CADPS2: variants seen among roughly 807,000 people sequenced by gnomAD.
CADPS2 encodes the protein calcium-dependent secretion activator 2.
In CADPS2, 93 loss-of-function variants were observed where a neutral mutation model predicts 172.5. The ratio of observed to expected loss-of-function variants is 0.54; its 90% confidence interval spans 0.46 to 0.64. The LOEUF is 0.64. Ranked by LOEUF, CADPS2 falls within the 30% of genes least tolerant of loss-of-function variation. The pLI is 0.00. For missense variants in CADPS2, 1,420 were observed against 1,565.9 expected (o/e 0.91, Z 1.57); for synonymous variants, 546 against 555.2 (o/e 0.98, Z 0.23).
chr7:122,770,030 T>C (rs1229861158), intron 1 of CADPS2, among the ~76,000 whole-genome samples: 1 of 152,232 alleles, frequency 6.6e-6, no homozygotes, highest in African/African-American at 2.4e-5. Context: ...GTACTAGCTC[T>C]GTTTTACAAA....
chr7:122,384,339 A>C (rs536436495), intron 24 of CADPS2, among the ~76,000 whole-genome samples: 3 of 152,106 alleles, frequency 2.0e-5, no homozygotes, highest in African/African-American at 4.8e-5. Context: ...TTGGAGAGGT[A>C]ATTTCTTTAT....
chr7:122,437,011 C>T (rs2151936349), intron 17 of CADPS2, among the ~76,000 whole-genome samples: 1 of 151,992 alleles, frequency 6.6e-6, no homozygotes, highest in East Asian at 1.9e-4. Flanking sequence ...TTCAAGTTCC[C>T]CACAACTTTT....
In CADPS2 at chr7:122,615,064, C is replaced by A. The variant is rs2074742470; in HGVS notation, c.1223+117G>T. ...CTAACACATTTGAGACAAAGTTAGC[C>A]AAATAGCAGTTTTAGAGGGTAATAC... On this transcript the variant is annotated intron_variant, in intron 6 of 29. Coordinates refer to ENST00000449022, the MANE Select transcript of CADPS2 (RefSeq NM_017954.11). The A allele has an allele frequency of 5.9e-6, 3 of 506,008 alleles. No homozygotes were observed. In the East Asian group the frequency reaches 9.4e-5, roughly 16 times the overall value. The allele number at this position is 506,008 out of a possible 1,614,324, so 31.3% of individuals were successfully genotyped here.
chr7:122,639,525 C>T (rs2077388658), intron 3 of CADPS2, among the ~76,000 whole-genome samples: 1 of 152,096 alleles, frequency 6.6e-6, no homozygotes, highest in African/African-American at 2.4e-5. Context: ...TATGTGTGCT[C>T]CTTTGTGTGT....
chr7:122,486,516 G>A (rs2057826632), intron 11 of CADPS2, among the ~76,000 whole-genome samples: 1 of 152,168 alleles, frequency 6.6e-6, no homozygotes, highest in Non-Finnish European at 1.5e-5. Context: ...GATAAAACTT[G>A]AACAGATAAG....
chr7:122,840,043 A>G (rs1254685251), intron 1 of CADPS2, among the ~76,000 whole-genome samples: 4 of 152,350 alleles, frequency 2.6e-5, no homozygotes, highest in East Asian at 1.9e-4. Context: ...ATGTCCATCA[A>G]TGATAGACTG....
intron 7 of CADPS2, among the ~76,000 whole-genome samples, chr7:122,570,022 A>G (rs1224732869): frequency 6.6e-6 from 1 of 150,566 alleles, no homozygotes; most frequent in African/African-American, 2.5e-5. Context: ...AAAAGCCAAA[A>G]TTGACAAATG....
chr7:122,774,556 T>C (rs1291277639), intron 1 of CADPS2, among the ~76,000 whole-genome samples: 1 of 152,178 alleles, frequency 6.6e-6, no homozygotes, highest in Non-Finnish European at 1.5e-5. Context: ...ATAAATGTTC[T>C]ACCAATTATG....
rs540764817 is a variant in CADPS2 at position 122,718,941 on chromosome 7, T to A, written c.453+18014A>T. Among the ~76,000 whole-genome samples the A allele has an allele frequency of 2.0e-5, 3 of 152,310 alleles. No individual in the cohort carries two copies. In the South Asian group the frequency reaches 6.2e-4, roughly 32 times the overall value. On this transcript the variant is annotated intron_variant, in intron 2 of 29. Coordinates refer to ENST00000449022, the MANE Select transcript of CADPS2 (RefSeq NM_017954.11). ...GCTTCTCTAGAACCTGCTGGATTTATGATAATAATTACTTGCCACCTACTG... is the reference window on the plus strand; with the variant it reads ...GCTTCTCTAGAACCTGCTGGATTTAAGATAATAATTACTTGCCACCTACTG...
chr7:122,841,719 A>T (rs1276035234), intron 1 of CADPS2, among the ~76,000 whole-genome samples: 1 of 152,180 alleles, frequency 6.6e-6, no homozygotes, highest in Non-Finnish European at 1.5e-5. Flanking sequence ...ACTAAAGAAA[A>T]CGAAGAGTTG....
At chr7:122,590,346 T>A (rs765206646) in intron 6 of CADPS2, among the ~76,000 whole-genome samples, 18 of 151,906 alleles carry the variant, frequency 1.2e-4, no homozygotes, top group Non-Finnish European at 2.2e-4. Context: ...GTAATGCATA[T>A]TTATTAGTCA....
intron 9 of CADPS2, among the ~76,000 whole-genome samples, chr7:122,496,895 G>A (rs776275574): frequency 6.6e-5 from 10 of 152,132 alleles, no homozygotes; most frequent in Non-Finnish European, 1.5e-4. Flanking sequence ...TGATGTAAAA[G>A]TATTGAGAAA....
intron 1 of CADPS2, among the ~76,000 whole-genome samples, chr7:122,852,956 C>T (rs1475243785): frequency 2.0e-5 from 3 of 152,180 alleles, no homozygotes; most frequent in African/African-American, 7.2e-5. Flanking sequence ...GCAATCTCCA[C>T]TTCGAAAATC....
chr7:122,399,667 T>C (rs1404014422), intron 20 of CADPS2, among the ~76,000 whole-genome samples: 1 of 29,214 alleles, frequency 3.4e-5, no homozygotes, highest in Non-Finnish European at 6.4e-5. Flanking sequence ...TTTCTTTTTT[T>C]TTTTTTTTTT....
intron 28 of CADPS2, chr7:122,332,007 C>T (rs1240936175): frequency 6.6e-6 from 1 of 152,094 alleles, no homozygotes; most frequent in Non-Finnish European, 1.5e-5. Flanking sequence ...CATTTGTGGT[C>T]CTTACTGACA....
chr7:122,788,514 C>A (rs1013222618), intron 1 of CADPS2, among the ~76,000 whole-genome samples: 2 of 152,148 alleles, frequency 1.3e-5, no homozygotes, highest in Non-Finnish European at 2.9e-5. Flanking sequence ...CTTAAACTTA[C>A]CAAAAATTGC....
chr7:122,504,410 G>A (rs1233028969), intron 9 of CADPS2, among the ~76,000 whole-genome samples: 3 of 152,124 alleles, frequency 2.0e-5, no homozygotes, highest in Non-Finnish European at 2.9e-5. Flanking sequence ...ACGCAGTATA[G>A]TCAGCACCTG....
At chr7:122,811,770 A>C (rs1022856683) in intron 1 of CADPS2, among the ~76,000 whole-genome samples, 2 of 152,200 alleles carry the variant, frequency 1.3e-5, no homozygotes, top group African/African-American at 4.8e-5. Context: ...TTACCTAAGT[A>C]CGTCAACATA....
chr7:122,802,020 A>C (rs973043680), intron 1 of CADPS2, among the ~76,000 whole-genome samples: 2 of 152,242 alleles, frequency 1.3e-5, no homozygotes, highest in Non-Finnish European at 2.9e-5. Flanking sequence ...AAGATGTCTA[A>C]ACAGTATCAC....
Sources: allele counts gnomAD v4.1 joint callset (sites outside exome capture counted in the v4.1 genomes callset), GRCh38; gene constraint gnomAD v4.1.1; transcripts MANE v1.5; gene names NCBI Gene and HGNC (gene_info 2026-07-23, HGNC 2026-07-21).